The following ATAD2B variants were observed in gnomAD, a reference collection of about 807,000 sequenced individuals.
ATAD2B encodes the protein ATPase family AAA domain containing 2B.
In ATAD2B, 40 loss-of-function variants were observed where a neutral mutation model predicts 167.6. That is an observed-to-expected ratio of 0.24 (90% CI 0.19 to 0.31). The LOEUF (loss-of-function observed/expected upper bound fraction) is 0.31. Ranked by LOEUF, ATAD2B falls within the 10% of genes least tolerant of loss-of-function variation. The pLI is 1.00. For synonymous variants in ATAD2B, 579 were observed against 596.5 expected (o/e 0.97, Z 0.43); for missense variants, 1,242 against 1,757.2 (o/e 0.71, Z 5.24).
At chr2:23,712,059 G>A in the ATAD2B span, among the ~76,000 whole-genome samples, 5 of 152,074 alleles carry the variant, frequency 3.3e-5, no homozygotes, top group Admixed American at 1.3e-4. Context: ...TGCTCATTAC[G>A]GTCCTGCACA....
intron 24 of ATAD2B, among the ~76,000 whole-genome samples, chr2:23,760,595 C>T (rs571849048): frequency 4.6e-5 from 7 of 151,058 alleles, no homozygotes; most frequent in East Asian, 1.9e-4. Context: ...CCTGAGGAGG[C>T]GGAGGTTGCA....
chr2:23,684,342 A>T, the ATAD2B span: 118 of 518,756 alleles, frequency 2.3e-4, no homozygotes, highest in South Asian at 2.0e-3. The surrounding 1 kb of genome is among the most constrained non-coding windows in gnomAD (Gnocchi z 4.4). Context: ...TTTTTTAATT[A>T]AAAAAAAAAA....
the ATAD2B span, chr2:23,696,934 T>C: frequency 5.9e-6 from 1 of 169,898 alleles, no homozygotes; most frequent in Non-Finnish European, 1.3e-5. This position sits in a 1 kb window ranked among gnomAD's most constrained non-coding sequence, Gnocchi z 5.5. Flanking sequence ...AAAATGCAGG[T>C]CATGCCAGTG....
At chr2:23,758,163 T>C (rs899905948) in intron 24 of ATAD2B, 62 bp from the exon 25 acceptor site, 2 of 1,331,318 alleles carry the variant, frequency 1.5e-6, no homozygotes, top group South Asian at 2.9e-5. Context: ...ATTTTACATA[T>C]GTTTATTAAA....
At position 23,823,251 on chromosome 2, in the gene ATAD2B, A is replaced by C. The variant is rs778249754; in HGVS notation, c.2131+7T>G. On this transcript the variant is annotated splice_region_variant and intron_variant, in intron 16 of 27. Transcript: ENST00000238789. ...TCTTAACAATATAAAAAAGTAGTTT[A>C]GAGTACCTTCTTTTTTGTCACTCTG... is the stretch of plus-strand genomic sequence containing the variant. The C allele has an allele frequency of 1.3e-6, 2 of 1,597,654 alleles. No individual in the cohort carries two copies. The highest frequency in any genetic ancestry group is 1.7e-6 in the Non-Finnish European group (2 of 1,169,200).
At chr2:23,878,217 C>G (rs1423906831) in intron 7 of ATAD2B, among the ~76,000 whole-genome samples, 1 of 151,500 alleles carries the variant, frequency 6.6e-6, no homozygotes, top group Non-Finnish European at 1.5e-5. Flanking sequence ...AAAAATTAGC[C>G]AGGTGTGGTA....
chr2:23,772,417 T>G (rs188954133), intron 22 of ATAD2B, among the ~76,000 whole-genome samples: 47 of 152,268 alleles, frequency 3.1e-4, no homozygotes, highest in South Asian at 8.3e-4. Flanking sequence ...AAGTTGACAA[T>G]ACAATGTTTG....
chr2:23,834,739 G>A (rs1241813172), intron 13 of ATAD2B, among the ~76,000 whole-genome samples: 1 of 151,224 alleles, frequency 6.6e-6, no homozygotes, highest in African/African-American at 2.4e-5. Flanking sequence ...ACAATACAAA[G>A]ACAAATAATA....
intron 8 of ATAD2B, among the ~76,000 whole-genome samples, chr2:23,873,599 T>C (rs966782834): frequency 1.3e-5 from 2 of 152,220 alleles, no homozygotes; most frequent in African/African-American, 4.8e-5. Context: ...ACACATGCTA[T>C]ATAAATAGTC....
chr2:23,678,805 C>G, the ATAD2B span, among the ~76,000 whole-genome samples: 1 of 152,078 alleles, frequency 6.6e-6, no homozygotes, highest in Non-Finnish European at 1.5e-5. Context: ...TGAAATAAAG[C>G]CATTCACAGG....
rs1310572619 is a variant in ATAD2B, at chr2:23,752,010, C to T, written c.*36G>A. On this transcript the variant is annotated 3_prime_UTR_variant, in exon 28 of 28. Coordinates refer to ENST00000238789, the MANE Select transcript of ATAD2B (RefSeq NM_017552.4). ...GCTCAGAAGACTGCTCTGTGAGGAGCAGATTGGAGAGGATAAACCACTCAT... is the reference window on the plus strand; with the variant it reads ...GCTCAGAAGACTGCTCTGTGAGGAGTAGATTGGAGAGGATAAACCACTCAT... 1.3e-6 allele frequency: 2 copies of T among 1,499,652 alleles called. No homozygotes were observed. The highest frequency in any genetic ancestry group is 1.2e-5 in the South Asian group (1 of 83,020). The allele number at this position is 1,499,652 out of a possible 1,614,324, so 92.9% of individuals were successfully genotyped here. A position where few individuals can be genotyped will look rare whatever the true frequency, so the allele number is the denominator to read the frequency against.
intron 19 of ATAD2B, among the ~76,000 whole-genome samples, chr2:23,790,774 AGCTGAT>A (rs1255234353): frequency 6.6e-6 from 1 of 152,220 alleles, no homozygotes; most frequent in Admixed American, 6.5e-5. Flanking sequence ...GCACCACTCA[AGCTGAT>A]GCTTTCTGTG....
At position 23,863,482 on chromosome 2, in the gene ATAD2B, G is replaced by C; in HGVS notation, c.1378C>G (p.Gln460Glu). Residue 460 changes from glutamine to glutamate, a missense_variant, in exon 12 of 28, where the codon CAA becomes GAA. By Grantham distance (29) the Gln-to-Glu change is conservative. Transcript: ENST00000238789. ...VARALANECS[Q>E]GDKKVAFFMR... The stretch of plus-strand genomic sequence containing the variant: ...AAAAAAGCCACTTTTTTGTCTCCTT[G>C]GCTGCATTCATTAGCTAATGCTCTG... 1 of 1,560,588 alleles carries C rather than the reference G, an allele frequency of 6.4e-7. No individual in the cohort carries two copies. The highest frequency in any genetic ancestry group is 8.7e-7 in the Non-Finnish European group (1 of 1,151,582).
chr2:23,766,471 A>G (rs1677423750), intron 22 of ATAD2B, among the ~76,000 whole-genome samples: 1 of 152,230 alleles, frequency 6.6e-6, no homozygotes, highest in Non-Finnish European at 1.5e-5. Context: ...ACACTTTATA[A>G]CTTTTCTGAT....
At chr2:23,858,821 G>A (rs986099390) in intron 12 of ATAD2B, among the ~76,000 whole-genome samples, 6 of 152,040 alleles carry the variant, frequency 3.9e-5, no homozygotes, top group Non-Finnish European at 7.4e-5. Flanking sequence ...ATGTCCCACC[G>A]TATGGATGTG....
chr2:23,740,489 C>G, the ATAD2B span, among the ~76,000 whole-genome samples: 1 of 151,832 alleles, frequency 6.6e-6, no homozygotes, highest in East Asian at 1.9e-4. Flanking sequence ...AGGCCTTTGA[C>G]AAAATTCAAC....
the ATAD2B span, among the ~76,000 whole-genome samples, chr2:23,698,144 G>A: frequency 2.6e-5 from 4 of 152,210 alleles, no homozygotes; most frequent in African/African-American, 9.7e-5. Context: ...TCCCTGGGGG[G>A]CAAGGCCCTC....
intron 1 of ATAD2B, among the ~76,000 whole-genome samples, chr2:23,924,552 A>C (rs1192198427): frequency 6.6e-6 from 1 of 152,200 alleles, no homozygotes; most frequent in Non-Finnish European, 1.5e-5. Context: ...AGGTCCAATC[A>C]CTATGTAAGA....
chr2:23,834,149 T>TTTA, intron 13 of ATAD2B, 71 bp from the exon 14 acceptor site: 6 of 665,182 alleles, frequency 9.0e-6, no homozygotes, highest in African/African-American at 2.1e-5. Flanking sequence ...TTTATCAGTC[T>TTTA]TTCTTTTTTT....
Sources: gnomAD v4.1 joint callset for allele counts (sites outside exome capture counted in the v4.1 genomes callset) on GRCh38, gnomAD v4.1.1 for gene constraint, Gnocchi (gnomAD v3.1) non-coding constraint, MANE v1.5 for transcripts, NCBI Gene and HGNC (gene_info 2026-07-23, HGNC 2026-07-21) for gene names.